The following ANKRD26 variants were observed in gnomAD, a reference collection of about 807,000 sequenced individuals.
The protein encoded by ANKRD26 is ankyrin repeat domain 26, also known as ankyrin repeat domain-containing protein 26.
A neutral mutation model predicts 208.7 loss-of-function variants in ANKRD26; 141 were observed. The observed-to-expected ratio is 0.68, with a 90% confidence interval of 0.59 to 0.78. The LOEUF (loss-of-function observed/expected upper bound fraction) is 0.78, where lower values mean the gene tolerates loss of function less well. Among genes scored for constraint, ANKRD26 ranks in the 30% least tolerant of loss-of-function variants. The probability of loss-of-function intolerance (pLI) is 0.00; values close to 1 mark genes in which losing one functional copy is unlikely to be tolerated. For synonymous variants in ANKRD26, 636 were observed against 660.4 expected, an observed-to-expected ratio of 0.96 and a Z score of 0.57; for missense variants, 1,889 against 1,938.7, an observed-to-expected ratio of 0.97 and a Z score of 0.48.
At chr10:27,083,325 GA>G (rs898025025) in intron 5 of ANKRD26, among the ~76,000 whole-genome samples, 10 of 147,886 alleles carry the variant, frequency 6.8e-5, no homozygotes, top group African/African-American at 2.5e-4. Context: ...CTTTCACAAG[GA>G]AAAAAAACCC....
intron 28 of ANKRD26, among the ~76,000 whole-genome samples, chr10:27,023,497 G>C (rs1246513964): frequency 6.6e-6 from 1 of 151,528 alleles, no homozygotes; most frequent in Non-Finnish European, 1.5e-5. Context: ...ATTCAAAGTA[G>C]ATAAGAGACA....
At chr10:27,024,237 G>A (rs1026156222) in intron 28 of ANKRD26, among the ~76,000 whole-genome samples, 2 of 152,142 alleles carry the variant, frequency 1.3e-5, no homozygotes, top group African/African-American at 2.4e-5. Context: ...CATTGTTACT[G>A]CTTTCAAAAT....
chr10:26,978,789 C>A (rs2134613482), intron 5 of ANKRD26, among the ~76,000 whole-genome samples: 1 of 152,326 alleles, frequency 6.6e-6, no homozygotes, highest in South Asian at 2.1e-4. Context: ...ACACAGTAAT[C>A]ACCGTTGGAC....
rs768921014 is a variant in ANKRD26 at position 27,063,971 on chromosome 10, T to C, written c.1363+17A>G. 1.9e-6 allele frequency: 3 copies of C among 1,582,538 alleles called. No individual in the cohort carries two copies. The highest frequency in any genetic ancestry group is 1.7e-6 in the Non-Finnish European group (2 of 1,155,424). On this transcript the variant is annotated intron_variant, in intron 12 of 33. Transcript: ENST00000376087. ...ACTCTGTCCAATGGCTTTTTAAAAA[T>C]GAAATATAGCTCTTACCTTCTGCTT...
the ANKRD26 span, among the ~76,000 whole-genome samples, chr10:26,952,990 T>C: frequency 6.6e-6 from 1 of 152,208 alleles, no homozygotes; most frequent in Non-Finnish European, 1.5e-5. Flanking sequence ...CCAAGGCTGT[T>C]GTATTGATGT....
chr10:27,027,378 T>C (rs1389035648), intron 27 of ANKRD26, among the ~76,000 whole-genome samples: 1 of 152,218 alleles, frequency 6.6e-6, no homozygotes, highest in East Asian at 1.9e-4. Flanking sequence ...AATTCAGAAT[T>C]GTAGATCAAG....
At chr10:27,073,462 G>A (rs1254386346) in intron 9 of ANKRD26, among the ~76,000 whole-genome samples, 2 of 152,158 alleles carry the variant, frequency 1.3e-5, no homozygotes, top group Non-Finnish European at 2.9e-5. Flanking sequence ...TAAAAAAGGT[G>A]CCTGTCTGAT....
At chr10:27,067,616 G>A (rs957300412) in intron 9 of ANKRD26, among the ~76,000 whole-genome samples, 1 of 152,108 alleles carries the variant, frequency 6.6e-6, no homozygotes, top group Non-Finnish European at 1.5e-5. Flanking sequence ...AGAGAGCAAG[G>A]TGGGGAGGTG....
In ANKRD26 at chr10:27,005,390, C is replaced by T; in HGVS notation, c.*200G>A. 1 of 1,313,208 alleles carries T rather than the reference C, an allele frequency of 7.6e-7. No individual in the cohort carries two copies. The highest frequency in any genetic ancestry group is 1.8e-5 in the South Asian group (1 of 57,054). The allele number at this position is 1,313,208 out of a possible 1,614,324, so 81.3% of individuals were successfully genotyped here. On this transcript the variant is annotated 3_prime_UTR_variant, in exon 34 of 34. Coordinates refer to ENST00000376087, the MANE Select transcript of ANKRD26 (RefSeq NM_014915.3). ...ATTTGGGCAGTTTGAGTATGTAAAA[C>T]TCAATATTCCTGGTTTTCATTGGCA...
At position 27,005,663 on chromosome 10, in the gene ANKRD26, T is replaced by A. The variant is rs373138646; in HGVS notation, c.5060A>T (p.Asn1687Ile). The A allele has an allele frequency of 6.0e-5, 96 of 1,613,238 alleles. No individual in the cohort carries two copies. In the Middle Eastern group the frequency reaches 8.3e-4, roughly 14 times the overall value. Residue 1687 changes from asparagine to isoleucine, a missense_variant, in exon 34 of 34, where the codon AAT becomes ATT. Physicochemically the swap from Asn to Ile is moderately radical, Grantham distance 149 (BLOSUM62 -3). Around this residue, in one of 3 missense-constraint regions of ANKRD26, gnomAD observed 613 missense variants for 648.2 expected, o/e 0.95. Transcript: ENST00000376087. Reference protein sequence around the residue: ...ASPLGSTDESNLNQDLVWKAS... With the variant: ...ASPLGSTDESILNQDLVWKAS... ...TTTCCAAACTAGATCTTGATTTAGA[T>A]TTGACTCATCAGTAGACCCTAGAGG...
In ANKRD26 at chr10:27,100,413, G is replaced by A; in HGVS notation, c.-87C>T. 2 of 1,559,994 alleles carry A rather than the reference G, an allele frequency of 1.3e-6. No homozygotes were observed. Among genetic ancestry groups the A allele is most frequent in the Non-Finnish European group, 1.7e-6 (2 of 1,161,678 alleles). On this transcript the variant is annotated 5_prime_UTR_variant, in exon 1 of 34. Coordinates refer to ENST00000376087, the MANE Select transcript of ANKRD26 (RefSeq NM_014915.3). ...AGCCCAACATAACAAGTCAGCCCCG[G>A]CTGGCCGCAGCCTCCCAAAGGAAAC...
chr10:27,009,030 G>A (rs1300848095), intron 32 of ANKRD26, among the ~76,000 whole-genome samples: 1 of 152,078 alleles, frequency 6.6e-6, no homozygotes, highest in Non-Finnish European at 1.5e-5. Flanking sequence ...TAGTAGAGAC[G>A]GGGTTTCACC....
At chr10:26,984,388 C>G (rs762365718) in intron 3 of ANKRD26, among the ~76,000 whole-genome samples, 1 of 152,168 alleles carries the variant, frequency 6.6e-6, no homozygotes, top group Non-Finnish European at 1.5e-5. Flanking sequence ...ACTGTTCACT[C>G]AGGAGGATGT....
chr10:26,978,720 C>A (rs965938232), intron 5 of ANKRD26, among the ~76,000 whole-genome samples: 1 of 152,150 alleles, frequency 6.6e-6, no homozygotes, highest in African/African-American at 2.4e-5. Context: ...GGCATGTATG[C>A]GCAAGCCACA....
chr10:27,079,145 C>T lies in ANKRD26; in HGVS notation c.757G>A (p.Gly253Ser), dbSNP rs746113236. The T allele has an allele frequency of 4.3e-6, 7 of 1,613,568 alleles. No individual in the cohort carries two copies. The African/African-American group carries it at 9.3e-5, about 22-fold the overall frequency. Residue 253 changes from glycine to serine, a missense_variant, in exon 7 of 34, where the codon GGT (glycine) becomes AGT (serine). Coordinates refer to ENST00000376087, the MANE Select transcript of ANKRD26 (RefSeq NM_014915.3). The part of the protein sequence containing the change: ...DSLSRLSGKP[G>S]VDDSWPTSDD... ...GAGGTAGGCCATGAATCATCAACAC[C>T]CGGTTTGCCAGAAAGCCTTTAGAAC...
intron 28 of ANKRD26, among the ~76,000 whole-genome samples, chr10:27,023,517 C>G (rs927931993): frequency 1.3e-5 from 2 of 149,290 alleles, no homozygotes; most frequent in African/African-American, 4.9e-5. Context: ...AGGAAAGAAA[C>G]ATTTTTGACG....
At chr10:27,009,519 G>C (rs1332981333) in intron 32 of ANKRD26, among the ~76,000 whole-genome samples, 1 of 151,996 alleles carries the variant, frequency 6.6e-6, no homozygotes, top group African/African-American at 2.4e-5. Context: ...GCCTGATACA[G>C]ACTATGGAAG....
chr10:26,993,511 A>G (rs1349857040), intron 5 of ANKRD26, among the ~76,000 whole-genome samples: 2 of 152,168 alleles, frequency 1.3e-5, no homozygotes, highest in Non-Finnish European at 1.5e-5. Flanking sequence ...ACTAATCACA[A>G]ATTTTGCAGT....
chr10:27,054,558 G>A (rs867669288), intron 15 of ANKRD26, among the ~76,000 whole-genome samples: 2 of 152,120 alleles, frequency 1.3e-5, no homozygotes, highest in Non-Finnish European at 2.9e-5. Context: ...GCACTCCACT[G>A]AGACTCCATC....
Sources: allele counts gnomAD v4.1 joint callset (sites outside exome capture counted in the v4.1 genomes callset), GRCh38; gene constraint gnomAD v4.1.1; regional missense constraint gnomAD v4.1.1; transcripts MANE v1.5; gene names NCBI Gene and HGNC (gene_info 2026-07-23, HGNC 2026-07-21).